The following FAN1 variants were observed in gnomAD, a reference collection of about 807,000 sequenced individuals.
FAN1 encodes the protein FANCD2 and FANCI associated nuclease 1.
A neutral mutation model predicts 104.9 loss-of-function variants in FAN1; 91 were observed. The observed-to-expected ratio is 0.87, with a 90% CI of 0.73 to 1.03. The LOEUF (loss-of-function observed/expected upper bound fraction) is 1.03. Among genes scored for constraint, FAN1 ranks in the 50% least tolerant of loss-of-function variants. FAN1 has a pLI of 0.00. For missense variants in FAN1, 1,263 were observed against 1,239.9 expected, an observed-to-expected ratio of 1.02 and a Z score of -0.28; for synonymous variants, 478 against 457.6, an observed-to-expected ratio of 1.04 and a Z score of -0.57.
In FAN1 at chr15:30,905,593, A is replaced by G. The variant is rs1287291898; in HGVS notation, c.930A>G (p.Ser310=). 1 of 1,614,106 alleles carries G rather than the reference A, an allele frequency of 6.2e-7. No homozygotes were observed. Among genetic ancestry groups the G allele is most frequent in the Non-Finnish European group, 8.5e-7 (1 of 1,179,930 alleles). The change falls in exon 2 of 15, where the codon TCA becomes TCG. Residue 310 remains serine (S), a synonymous_variant. Coordinates refer to ENST00000362065, the MANE Select transcript of FAN1 (RefSeq NM_014967.5). ...HCEEVKMTVA[S]EAKIQLSDSE... ...AAGAAGTAAAAATGACTGTTGCTTC[A>G]GAAGCTAAAATACAGCTGTCAGATT...
chr15:30,905,986 C>CTCCTTG, intron 2 of FAN1, 89 bp downstream of exon 2: 1 of 1,235,592 alleles, frequency 8.1e-7, no homozygotes, highest in Non-Finnish European at 1.1e-6. Flanking sequence ...AATCTAGTGA[C>CTCCTTG]CGCAAGGAGT....
rs1179626285 is a variant in FAN1, at chr15:30,943,002, C to G, written c.*1440C>G. ...ATCCTTTGCTGTAAACTGGAGAGAC[C>G]AGTCCCAAACAGAGGGGAATTTTAA... On this transcript the variant is annotated 3_prime_UTR_variant, in exon 15 of 15. Coordinates refer to ENST00000362065, the MANE Select transcript of FAN1 (RefSeq NM_014967.5). 1.3e-6 allele frequency: 2 copies of G among 1,552,270 alleles called. No individual in the cohort carries two copies. The highest frequency in any genetic ancestry group is 1.4e-5 in the African/African-American group (1 of 73,222).
chr15:30,941,398 C>T (rs1293987484), intron 14 of FAN1, 168 bp from the exon 15 acceptor site: 1 of 1,553,220 alleles, frequency 6.4e-7, no homozygotes, highest in Non-Finnish European at 8.7e-7. Context: ...ATTCAAACGC[C>T]TAGGTTAGCA....
chr15:30,931,381 C>T (rs1205187290), intron 13 of FAN1, among the ~76,000 whole-genome samples: 1 of 152,048 alleles, frequency 6.6e-6, no homozygotes. Context: ...TATGGCTTGT[C>T]TTTTCATTTT....
At chr15:30,930,108 ATACTAGGG>A (rs889721448) in intron 12 of FAN1, among the ~76,000 whole-genome samples, 1 of 150,276 alleles carries the variant, frequency 6.7e-6, no homozygotes, top group Admixed American at 6.7e-5. Flanking sequence ...TGATGGAAAC[ATACTAGGG>A]TGTTAGAAAA....
intron 4 of FAN1, 28 bp from the exon 5 acceptor site, chr15:30,913,830 A>T (rs747206842): frequency 6.9e-7 from 1 of 1,449,462 alleles, no homozygotes; most frequent in Non-Finnish European, 9.5e-7. Flanking sequence ...AAAAGCTAAA[A>T]GTTATTTCTA....
In FAN1 at chr15:30,920,054, T is replaced by C. The variant is rs143559143; in HGVS notation, c.1944-491T>C. ...TAGGCTTTGCAGGCCATATGGTTTC[T>C]GTGGCACCAACTTTACTCTGCTGTT... On this transcript the variant is annotated intron_variant, in intron 6 of 14. Coordinates refer to ENST00000362065, the MANE Select transcript of FAN1 (RefSeq NM_014967.5). Among the ~76,000 whole-genome samples, 731 of 152,370 alleles carry C rather than the reference T, an allele frequency of 4.8e-3. 7 individuals carry two copies. The highest frequency in any genetic ancestry group is 0.017 in the African/African-American group (691 of 41,594).
At chr15:30,938,505 C>G (rs1280412956) in intron 14 of FAN1, among the ~76,000 whole-genome samples, 2 of 152,122 alleles carry the variant, frequency 1.3e-5, no homozygotes, top group African/African-American at 2.4e-5. Flanking sequence ...TCCCTAATAA[C>G]TAGATAGGGG....
Position 30,905,533 on chromosome 15 carries a change from AG to A in FAN1, c.871del (p.Glu291LysfsTer14), listed in dbSNP as rs2061956689. On this transcript the variant is annotated frameshift_variant, in exon 2 of 15. Transcript: ENST00000362065. LOFTEE classifies it high-confidence loss of function. Reference sequence around the variant, plus strand: ...GTCTTGTAAAGCAAGAGTGTATCAAAGAAGTGGTTGAAAAACGTGAGGCATG... The same window carrying A: ...GTCTTGTAAAGCAAGAGTGTATCAAAAAGTGGTTGAAAAACGTGAGGCATG... Reference protein sequence around the residue: ...DSLVKQECIKEVVEKREACHC... With the variant: ...DSLVKQECIKXVVEKREACHC... 1 of 1,613,860 alleles carries A rather than the reference AG, an allele frequency of 6.2e-7. No homozygotes were observed. Among genetic ancestry groups the A allele is most frequent in the Non-Finnish European group, 8.5e-7 (1 of 1,179,826 alleles).
At chr15:30,931,951 G>A (rs118098310) in intron 13 of FAN1, among the ~76,000 whole-genome samples, 7,752 of 151,238 alleles carry the variant, frequency 0.051, 312 homozygotes, top group Admixed American at 0.13. Context: ...GGCCGGGTAC[G>A]GTGGCTCACA....
intron 8 of FAN1, among the ~76,000 whole-genome samples, chr15:30,924,094 A>G (rs1305321159): frequency 6.6e-6 from 1 of 152,140 alleles, no homozygotes; most frequent in Non-Finnish European, 1.5e-5. Context: ...GTGGAATCCT[A>G]CGATATTTGT....
chr15:30,905,270 G>C lies in FAN1; in HGVS notation c.607G>C (p.Asp203His). 1.2e-6 allele frequency: 2 copies of C among 1,614,044 alleles called. No homozygotes were observed. The highest frequency in any genetic ancestry group is 1.7e-6 in the Non-Finnish European group (2 of 1,180,024). ...IDNSSEIEDE[D>H]QILENSSQKE... is the part of the protein sequence containing the mutation. ...TAACTCTTCAGAAATTGAGGACGAG[G>C]ATCAAATTTTGGAGAACAGTTCTCA... is the stretch of plus-strand genomic sequence containing the variant. The change falls in exon 2 of 15, where the codon GAT (aspartate) becomes CAT (histidine). Residue 203 changes from aspartate (D) to histidine (H), a missense_variant. Asp to His is a moderately conservative substitution (Grantham distance 81, BLOSUM62 -1). This residue lies in a region of FAN1 where 682 missense variants were observed against 571.1 expected (regional missense o/e 1.19). Transcript: ENST00000362065.
rs376405753 is a variant in FAN1 at position 30,925,829 on chromosome 15, G to T, written c.2378G>T (p.Cys793Phe). ...TGRLCPQRGM[C>F]KSVFVMEAGE... Reference sequence around the variant, plus strand: ...AGGCTGTGCCCACAGCGTGGGATGTGCAAGTCTGTGTTTGTGATGGAGGCC... The same window carrying T: ...AGGCTGTGCCCACAGCGTGGGATGTTCAAGTCTGTGTTTGTGATGGAGGCC... The change falls in exon 10 of 15, where the codon TGC becomes TTC. Residue 793 changes from cysteine to phenylalanine, a missense_variant. By Grantham distance (205) the Cys-to-Phe change is radical (BLOSUM62 -2). This residue lies in a region of FAN1 where 581 missense variants were observed against 668.8 expected (regional missense o/e 0.87). Coordinates refer to ENST00000362065, the MANE Select transcript of FAN1 (RefSeq NM_014967.5). 1.9e-6 allele frequency: 3 copies of T among 1,614,212 alleles called. No homozygotes were observed. In the African/African-American group the frequency reaches 4.0e-5, roughly 22 times the overall value.
Position 30,905,535 on chromosome 15 carries a change from AAG to A in FAN1, c.873_874del (p.Glu291AspfsTer3), listed in dbSNP as rs2061956757. 6.2e-7 allele frequency: 1 copy of A among 1,613,834 alleles called. No homozygotes were observed. The highest frequency in any genetic ancestry group is 8.5e-7 in the Non-Finnish European group (1 of 1,179,844). On this transcript the variant is annotated frameshift_variant, in exon 2 of 15. Transcript: ENST00000362065. LOFTEE classifies it high-confidence loss of function. The stretch of plus-strand genomic sequence containing the variant: ...CTTGTAAAGCAAGAGTGTATCAAAG[AAG>A]TGGTTGAAAAACGTGAGGCATGTCA...
chr15:30,941,822 T>C lies in FAN1; in HGVS notation c.*260T>C. On this transcript the variant is annotated 3_prime_UTR_variant, in exon 15 of 15. Transcript: ENST00000362065. ...CTGGGCCTCGGGAACCCAGCGGAAG[T>C]AGCACAGTTTCCACAGTTTTATGTG... 6.2e-7 allele frequency: 1 copy of C among 1,614,040 alleles called. No homozygotes were observed. The highest frequency in any genetic ancestry group is 8.5e-7 in the Non-Finnish European group (1 of 1,179,904).
chr15:30,925,570 G>A (rs567836780), intron 9 of FAN1, among the ~76,000 whole-genome samples: 53 of 152,302 alleles, frequency 3.5e-4, no homozygotes, highest in Non-Finnish European at 6.0e-4. Flanking sequence ...TTTACTCACT[G>A]GGGACCTGTA....
chr15:30,930,589 G>C lies in FAN1; in HGVS notation c.2834G>C (p.Arg945Thr). The C allele has an allele frequency of 6.2e-7, 1 of 1,613,080 alleles. No individual in the cohort carries two copies. The highest frequency in any genetic ancestry group is 8.5e-7 in the Non-Finnish European group (1 of 1,179,668). Residue 945 changes from arginine to threonine, a missense_variant, in exon 13 of 15, where the codon AGG (arginine) becomes ACG (threonine). Around this residue, in one of 2 missense-constraint regions of FAN1, gnomAD observed 581 missense variants for 668.8 expected, o/e 0.87. Transcript: ENST00000362065. ...GGCCCTGTGCTCAGTGGTGTGTGCAGGCACCTGGCTGCTGACTTTCGACAC... is the reference window on the plus strand; with the variant it reads ...GGCCCTGTGCTCAGTGGTGTGTGCACGCACCTGGCTGCTGACTTTCGACAC... Reference protein sequence around the residue: ...LGGPVLSGVCRHLAADFRHCR... With the variant: ...LGGPVLSGVCTHLAADFRHCR...
chr15:30,910,471 T>G, intron 3 of FAN1, 143 bp from the exon 4 acceptor site: 1 of 558,662 alleles, frequency 1.8e-6, no homozygotes, highest in Non-Finnish European at 3.1e-6. Flanking sequence ...TAATACCATG[T>G]TAATAATTCC....
chr15:30,913,867 C>T lies in FAN1; in HGVS notation c.1587C>T (p.Ala529=). Residue 529 remains alanine (A), a synonymous_variant, in exon 5 of 15, where the codon GCC becomes GCT. Transcript: ENST00000362065. ...IGAVILKRAK[A]LAGQSVRICK... ...ATTGTACATTTTTCAGAGCCAAAGC[C>T]TTGGCTGGACAGTCAGTACGAATCT... 1.2e-6 allele frequency: 2 copies of T among 1,606,770 alleles called. No individual in the cohort carries two copies.
Sources: allele counts gnomAD v4.1 joint callset (sites outside exome capture counted in the v4.1 genomes callset), GRCh38; gene constraint gnomAD v4.1.1; regional missense constraint gnomAD v4.1.1; transcripts MANE v1.5; gene names NCBI Gene and HGNC (gene_info 2026-07-23, HGNC 2026-07-21).